Variants in PTPN11 observed in about 807,000 individuals in gnomAD.
PTPN11 encodes tyrosine-protein phosphatase non-receptor type 11.
In PTPN11, 6 loss-of-function variants were observed where a neutral mutation model predicts 78.8. That is an observed-to-expected ratio of 0.08 (90% CI 0.04 to 0.15). The LOEUF (loss-of-function observed/expected upper bound fraction) is 0.15. Among genes scored for constraint, PTPN11 ranks in the 10% least tolerant of loss-of-function variants. The pLI is 1.00. For missense variants in PTPN11, 386 were observed against 744.8 expected, an observed-to-expected ratio of 0.52 and a Z score of 5.61; for synonymous variants, 221 against 263.5, an observed-to-expected ratio of 0.84 and a Z score of 1.56.
chr12:112,488,935 T>G, intron 12 of PTPN11, 89 bp from the exon 13 acceptor site: 1 of 1,530,900 alleles, frequency 6.5e-7, no homozygotes, highest in Non-Finnish European at 9.0e-7. Context: ...AAATTAGCAT[T>G]GTCTCTGAGT....
intron 1 of PTPN11, among the ~76,000 whole-genome samples, chr12:112,429,964 A>G (rs1400197798): frequency 2.0e-5 from 3 of 152,218 alleles, no homozygotes; most frequent in Non-Finnish European, 4.4e-5. Flanking sequence ...GCAAACATTC[A>G]GTAAGTATAG....
rs1403000848 is a variant in PTPN11, at chr12:112,507,510, G to C, written c.*1718G>C. 6.5e-6 allele frequency: 1 copy of C among 152,784 alleles called. No homozygotes were observed. Among genetic ancestry groups the C allele is most frequent in the Non-Finnish European group, 1.5e-5 (1 of 68,068 alleles). The allele number at this position is 152,784 out of a possible 1,614,324, so 9.5% of individuals were successfully genotyped here. A position where few individuals can be genotyped will look rare whatever the true frequency, so the allele number is the denominator to read the frequency against. The stretch of plus-strand genomic sequence containing the variant: ...GTTGAATGAGCTCATTTTTGTTGTA[G>C]CCAACCAGTAAGATTTGCTAATGTT... On this transcript the variant is annotated 3_prime_UTR_variant, in exon 16 of 16. Transcript: ENST00000351677.
intron 7 of PTPN11, among the ~76,000 whole-genome samples, chr12:112,473,787 A>C (rs1827277516): frequency 1.3e-5 from 2 of 151,816 alleles, no homozygotes; most frequent in South Asian, 4.2e-4. Flanking sequence ...TGGAGGTTGC[A>C]GTGAGCCGAG....
At chr12:112,479,405 T>C (rs2087418286) in intron 9 of PTPN11, among the ~76,000 whole-genome samples, 3 of 152,214 alleles carry the variant, frequency 2.0e-5, no homozygotes, top group Admixed American at 6.5e-5. Context: ...TGGAGAACTT[T>C]GGAGTTGAGC....
rs1006974090 is a variant in PTPN11, at chr12:112,446,234, G to A, written c.15-42G>A. On this transcript the variant is annotated intron_variant, in intron 1 of 15. Transcript: ENST00000351677. The stretch of plus-strand genomic sequence containing the variant: ...GTTGTTGTGGAAAGTAGTGCTGACA[G>A]TGTCTTGTTTTTTTATTACTTACTT... The A allele has an allele frequency of 1.2e-5, 20 of 1,611,550 alleles. No homozygotes were observed. The African/African-American group carries it at 2.0e-4, about 16-fold the overall frequency.
At position 112,504,864 on chromosome 12, in the gene PTPN11, C is replaced by A; in HGVS notation, c.*32+68C>A. The A allele has an allele frequency of 9.5e-7, 1 of 1,049,700 alleles. No individual in the cohort carries two copies. The highest frequency in any genetic ancestry group is 1.4e-6 in the Non-Finnish European group (1 of 691,834). 65.0% of individuals were successfully genotyped at this position (1,049,700 alleles called of 1,614,324 possible). A position where few individuals can be genotyped will look rare whatever the true frequency, so the allele number is the denominator to read the frequency against. Reference sequence around the variant, plus strand: ...TTGGCAGTATTTTTAAGCAGGCAAGCAATTTGGGAATGTTTTAGCAAAGTG... The same window carrying A: ...TTGGCAGTATTTTTAAGCAGGCAAGAAATTTGGGAATGTTTTAGCAAAGTG... On this transcript the variant is annotated intron_variant, in intron 15 of 15. Transcript: ENST00000351677. The surrounding 1 kb of genome is among the most constrained non-coding windows in gnomAD (Gnocchi z 4.7).
intron 13 of PTPN11, among the ~76,000 whole-genome samples, chr12:112,494,863 T>C (rs897410223): frequency 6.6e-6 from 1 of 152,228 alleles, no homozygotes; most frequent in African/African-American, 2.4e-5. Flanking sequence ...CATTCTGTTT[T>C]TCACTTTTCA....
At chr12:112,464,250 T>G (rs886355465) in intron 6 of PTPN11, among the ~76,000 whole-genome samples, 6 of 152,224 alleles carry the variant, frequency 3.9e-5, no homozygotes, top group African/African-American at 1.4e-4. Flanking sequence ...ACTTTTGCCT[T>G]TGATGCACTT....
intron 6 of PTPN11, among the ~76,000 whole-genome samples, chr12:112,472,142 G>GA (rs907268304): frequency 7.3e-4 from 111 of 151,862 alleles, no homozygotes; most frequent in African/African-American, 1.1e-3. Flanking sequence ...TTTTTTTAAA[G>GA]AAAAAAAATT....
At chr12:112,497,171 C>CAAAAAA (rs59581934) in intron 13 of PTPN11, among the ~76,000 whole-genome samples, 2 of 73,572 alleles carry the variant, frequency 2.7e-5, no homozygotes, top group Non-Finnish European at 6.3e-5. Context: ...GACTCTGTCT[C>CAAAAAA]AAAAAAAAAA....
chr12:112,509,801 T>A lies in PTPN11; in HGVS notation c.*4009T>A, dbSNP rs1365147206. 1 of 152,622 alleles carries A rather than the reference T, an allele frequency of 6.6e-6. No individual in the cohort carries two copies. The allele number at this position is 152,622 out of a possible 1,614,324, so 9.5% of individuals were successfully genotyped here. A position where few individuals can be genotyped will look rare whatever the true frequency, so the allele number is the denominator to read the frequency against. On this transcript the variant is annotated 3_prime_UTR_variant, in exon 16 of 16. Coordinates refer to ENST00000351677, the MANE Select transcript of PTPN11 (RefSeq NM_002834.5). ...TTAATTGTCTCCCCACCTATATTTA[T>A]GGGTGTTAGCGCAACTGCTTTGCTA...
chr12:112,435,953 G>A (rs1436564132), intron 1 of PTPN11, among the ~76,000 whole-genome samples: 2 of 152,120 alleles, frequency 1.3e-5, no homozygotes, highest in African/African-American at 4.8e-5. Context: ...GGGAGGCTGA[G>A]GTGGGAGGAT....
chr12:112,445,983 A>G (rs907064733), intron 1 of PTPN11, among the ~76,000 whole-genome samples: 2 of 152,066 alleles, frequency 1.3e-5, no homozygotes, highest in Non-Finnish European at 2.9e-5. Flanking sequence ...TCTTGCGAGC[A>G]CGTGGTCTGT....
At chr12:112,502,708 C>T (rs1417142557) in intron 14 of PTPN11, among the ~76,000 whole-genome samples, 1 of 152,154 alleles carries the variant, frequency 6.6e-6, no homozygotes, top group African/African-American at 2.4e-5. Flanking sequence ...GATCATGCCA[C>T]TGCACTCCAG....
At chr12:112,502,352 A>T in intron 14 of PTPN11, 96 bp downstream of exon 14, 2 of 999,266 alleles carry the variant, frequency 2.0e-6, no homozygotes, top group Non-Finnish European at 3.2e-6. Flanking sequence ...TTTGTAGCAC[A>T]TGCCTTTCAC....
chr12:112,505,878 T>A lies in PTPN11; in HGVS notation c.*86T>A, dbSNP rs1308114275. ...GATCAAGAACAGACGCAAGAAAGTT[T>A]ATGTGAAGACAGAATTTGGATTTGG... On this transcript the variant is annotated 3_prime_UTR_variant, in exon 16 of 16. Coordinates refer to ENST00000351677, the MANE Select transcript of PTPN11 (RefSeq NM_002834.5). 6.4e-6 allele frequency: 1 copy of A among 155,202 alleles called. No homozygotes were observed. Among genetic ancestry groups the A allele is most frequent in the Non-Finnish European group, 1.5e-5 (1 of 68,042 alleles). The allele number at this position is 155,202 out of a possible 1,614,324, so 9.6% of individuals were successfully genotyped here. A position where few individuals can be genotyped will look rare whatever the true frequency, so the allele number is the denominator to read the frequency against.
chr12:112,469,219 C>A (rs1026144047), intron 6 of PTPN11, among the ~76,000 whole-genome samples: 2 of 152,072 alleles, frequency 1.3e-5, no homozygotes, highest in Admixed American at 6.6e-5. Flanking sequence ...TTGGTGTTAC[C>A]CCATCACGGT....
chr12:112,504,577 T>G lies in PTPN11; in HGVS notation c.1713-118T>G, dbSNP rs1038692525. On this transcript the variant is annotated intron_variant, in intron 14 of 15. Transcript: ENST00000351677. The surrounding 1 kb of genome is among the most constrained non-coding windows in gnomAD (Gnocchi z 4.7). ...AATGTCAGGTCCTAGGCACAGGAAC[T>G]GTGTCTGTACCATATCTGGTGCCCA... 6 of 757,096 alleles carry G rather than the reference T, an allele frequency of 7.9e-6. No individual in the cohort carries two copies. In the Admixed American group the frequency reaches 1.3e-4, roughly 16 times the overall value. 46.9% of individuals were successfully genotyped at this position (757,096 alleles called of 1,614,324 possible).
intron 7 of PTPN11, among the ~76,000 whole-genome samples, chr12:112,473,277 G>T (rs1004134801): frequency 2.0e-5 from 3 of 152,120 alleles, no homozygotes; most frequent in Non-Finnish European, 4.4e-5. Context: ...GTCTGTGGTT[G>T]GTTCCTTCTG....
Sources: gnomAD v4.1 joint callset for allele counts (sites outside exome capture counted in the v4.1 genomes callset) on GRCh38, gnomAD v4.1.1 for gene constraint, Gnocchi (gnomAD v3.1) non-coding constraint, MANE v1.5 for transcripts, NCBI Gene and HGNC (gene_info 2026-07-23, HGNC 2026-07-21) for gene names.